The following TG variants were observed in gnomAD, a reference collection of about 807,000 sequenced individuals.
The protein encoded by TG is thyroglobulin.
In TG, 270 loss-of-function variants were observed where a neutral mutation model predicts 324.7. That is an observed-to-expected ratio of 0.83 (90% CI 0.75 to 0.92). The LOEUF (loss-of-function observed/expected upper bound fraction) is 0.92. Ranked by LOEUF, TG falls within the 40% of genes least tolerant of loss-of-function variation. The probability of loss-of-function intolerance (pLI) is 0.00; values close to 1 mark genes in which losing one functional copy is unlikely to be tolerated. For synonymous variants in TG, 1,401 were observed against 1,327.0 expected, an observed-to-expected ratio of 1.06 and a Z score of -1.21; for missense variants, 3,591 against 3,456.4, an observed-to-expected ratio of 1.04 and a Z score of -0.98.
At chr8:132,889,481 A>G (rs1815916933) in intron 10 of TG, among the ~76,000 whole-genome samples, 1 of 152,232 alleles carries the variant, frequency 6.6e-6, no homozygotes, top group Non-Finnish European at 1.5e-5. Context: ...TGTGATGAGA[A>G]CGGTAATACC....
At chr8:132,896,567 TCA>T (rs1345275123) in intron 11 of TG, among the ~76,000 whole-genome samples, 1 of 152,112 alleles carries the variant, frequency 6.6e-6, no homozygotes, top group Non-Finnish European at 1.5e-5. Flanking sequence ...GAGAAAGAGC[TCA>T]GGCGACAGTT....
chr8:132,876,484 G>T (rs1002376266), intron 5 of TG, among the ~76,000 whole-genome samples: 2 of 152,112 alleles, frequency 1.3e-5, no homozygotes, highest in Admixed American at 6.5e-5. Flanking sequence ...ACTTCCCTGG[G>T]GCCACCAGAA....
intron 28 of TG, 138 bp from the exon 29 acceptor site, chr8:132,962,856 G>A (rs928518052): frequency 8.9e-6 from 7 of 784,764 alleles, no homozygotes; most frequent in Admixed American, 3.4e-5. Flanking sequence ...ATCCATGTCA[G>A]GGCATCTGTT....
At chr8:133,029,708 G>A (rs1836440508) in intron 40 of TG, 113 bp from the exon 41 acceptor site, 3 of 1,296,396 alleles carry the variant, frequency 2.3e-6, no homozygotes, top group Non-Finnish European at 3.3e-6. Context: ...GTGAGGACAA[G>A]AGCCCAGAGC....
intron 8 of TG, chr8:132,883,353 CA>C (rs1814935984): frequency 3.4e-6 from 1 of 291,516 alleles, no homozygotes; most frequent in South Asian, 4.2e-5. Flanking sequence ...GGGAAGGAGG[CA>C]TTTAGGAAGA....
chr8:132,948,023 T>C (rs1232626368), intron 26 of TG, among the ~76,000 whole-genome samples: 1 of 152,222 alleles, frequency 6.6e-6, no homozygotes, highest in African/African-American at 2.4e-5. Flanking sequence ...GAGTCCAATG[T>C]CATCTCCCCT....
chr8:132,892,782 T>C (rs1816416172), intron 10 of TG, among the ~76,000 whole-genome samples: 1 of 150,980 alleles, frequency 6.6e-6, no homozygotes. Flanking sequence ...CATAGGTGTG[T>C]GTGTATGTGT....
rs150963971 is a variant in TG, at chr8:132,972,569, G to GTTTTT, written c.6056-27_6056-23dup. On this transcript the variant is annotated intron_variant, in intron 33 of 47. Transcript: ENST00000220616. Reference sequence around the variant, plus strand: ...CATTGTACTCAGTTTCCTGATTGTGGTTTTTTGTTTTTTTTTTTTCCACCC... The same window carrying GTTTTT: ...CATTGTACTCAGTTTCCTGATTGTGGTTTTTTTTTTTGTTTTTTTTTTTTCCACCC... 417 of 1,457,976 alleles carry GTTTTT rather than the reference G, an allele frequency of 2.9e-4. 82 individuals are homozygous for GTTTTT. Among genetic ancestry groups the GTTTTT allele is most frequent in the Admixed American group, 1.1e-3 (60 of 55,562 alleles). The allele number at this position is 1,457,976 out of a possible 1,614,324, so 90.3% of individuals were successfully genotyped here.
At chr8:133,123,647 A>G (rs2131813039) in intron 45 of TG, among the ~76,000 whole-genome samples, 1 of 152,282 alleles carries the variant, frequency 6.6e-6, no homozygotes, top group East Asian at 1.9e-4. Context: ...TATCATTCCC[A>G]GGAAGAGCCC....
At chr8:133,013,129 A>G (rs1351650939) in intron 36 of TG, among the ~76,000 whole-genome samples, 1 of 152,272 alleles carries the variant, frequency 6.6e-6, no homozygotes, top group African/African-American at 2.4e-5. Flanking sequence ...TAAATTAAAT[A>G]AACAAAAAAG....
Position 132,888,462 on chromosome 8 carries a change from C to T in TG, c.2655C>T (p.Asp885=). 1 of 1,611,514 alleles carries T rather than the reference C, an allele frequency of 6.2e-7. No individual in the cohort carries two copies. The highest frequency in any genetic ancestry group is 8.5e-7 in the Non-Finnish European group (1 of 1,178,524). The change falls in exon 10 of 48, where the codon GAC becomes GAT. Residue 885 remains aspartate (D), a synonymous_variant. Coordinates refer to ENST00000220616, the MANE Select transcript of TG (RefSeq NM_003235.5). Reference sequence around the variant, plus strand: ...GCCAATACCCGGGGTCCTACTCAGACTTCAGCACTCCTTTGGCACATTTTG... The same window carrying T: ...GCCAATACCCGGGGTCCTACTCAGATTTCAGCACTCCTTTGGCACATTTTG... The part of the protein sequence containing the change: ...QLSQYPGSYS[D]FSTPLAHFDL...
chr8:132,876,255 A>C (rs556754992), intron 5 of TG, among the ~76,000 whole-genome samples: 1 of 152,216 alleles, frequency 6.6e-6, no homozygotes, highest in Admixed American at 6.5e-5. Flanking sequence ...ATGGGGTGAG[A>C]CTGGAGGAAT....
intron 43 of TG, among the ~76,000 whole-genome samples, chr8:133,101,852 G>A (rs972252270): frequency 6.8e-6 from 1 of 147,046 alleles, no homozygotes; most frequent in Non-Finnish European, 1.5e-5. Flanking sequence ...CAGCTGGAGT[G>A]ACACAATGGC....
intron 43 of TG, among the ~76,000 whole-genome samples, chr8:133,106,031 A>G (rs1259932248): frequency 2.6e-5 from 4 of 151,834 alleles, no homozygotes; most frequent in African/African-American, 9.7e-5. Flanking sequence ...AAGCAGATGG[A>G]GGAGACCCTC....
intron 27 of TG, among the ~76,000 whole-genome samples, chr8:132,949,805 A>G (rs1171142654): frequency 6.6e-6 from 1 of 152,206 alleles, no homozygotes; most frequent in African/African-American, 2.4e-5. Context: ...GTTTCCAGAG[A>G]TGGGCAGTTA....
chr8:132,909,987 T>C (rs1200662555), intron 18 of TG, among the ~76,000 whole-genome samples: 1 of 152,206 alleles, frequency 6.6e-6, no homozygotes, highest in Non-Finnish European at 1.5e-5. Context: ...CTAGCTAATA[T>C]GTTTAAAGCA....
intron 41 of TG, among the ~76,000 whole-genome samples, chr8:133,091,090 A>G (rs1847438252): frequency 6.6e-6 from 1 of 152,238 alleles, no homozygotes; most frequent in African/African-American, 2.4e-5. Flanking sequence ...TCTGAGAGGT[A>G]GGTGAGCTTC....
chr8:132,941,542 G>C lies in TG; in HGVS notation c.5233G>C (p.Gly1745Arg). The C allele has an allele frequency of 1.2e-6, 2 of 1,614,216 alleles. No individual in the cohort carries two copies. The highest frequency in any genetic ancestry group is 1.7e-6 in the Non-Finnish European group (2 of 1,180,046). Residue 1745 changes from glycine to arginine, a missense_variant and splice_region_variant, in exon 26 of 48, where the codon GGT becomes CGT. Coordinates refer to ENST00000220616, the MANE Select transcript of TG (RefSeq NM_003235.5). Reference sequence around the variant, plus strand: ...CTTCGTCCTCACACAGGTTCAAGGAGGTAATGTTGGCAGTGAGGGCCAGGG... The same window carrying C: ...CTTCGTCCTCACACAGGTTCAAGGACGTAATGTTGGCAGTGAGGGCCAGGG... The part of the protein sequence containing the change: ...DGFVLTQVQG[G>R]AIICGLLSSP...
chr8:132,960,865 C>G (rs1827647658), intron 27 of TG, 143 bp from the exon 28 acceptor site: 3 of 849,278 alleles, frequency 3.5e-6, no homozygotes, highest in Non-Finnish European at 2.0e-6. Flanking sequence ...CTGCAAGAAG[C>G]TTCTGGGTTA....
Sources: allele counts gnomAD v4.1 joint callset (sites outside exome capture counted in the v4.1 genomes callset), GRCh38; gene constraint gnomAD v4.1.1; transcripts MANE v1.5; gene names NCBI Gene and HGNC (gene_info 2026-07-23, HGNC 2026-07-21).